The following FDFT1 variants were observed in gnomAD, a reference collection of about 807,000 sequenced individuals.
FDFT1 encodes farnesyl-diphosphate farnesyltransferase 1.
FDFT1 carries 68 observed loss-of-function variants against 46.8 expected under a neutral mutation model. The ratio of observed to expected loss-of-function variants is 1.45; its 90% CI spans 1.19 to 1.78. The LOEUF (loss-of-function observed/expected upper bound fraction) is 1.78, where lower values mean the gene tolerates loss of function less well. Ranked by LOEUF, FDFT1 falls within the 40% of genes most tolerant of loss-of-function variation. FDFT1 has a pLI of 0.00. For synonymous variants in FDFT1, 351 were observed against 185.1 expected, an observed-to-expected ratio of 1.90 and a Z score of -7.28; for missense variants, 928 against 524.4, an observed-to-expected ratio of 1.77 and a Z score of -7.52.
intron 3 of FDFT1, among the ~76,000 whole-genome samples, chr8:11,817,759 C>T (rs1171117759): frequency 6.6e-6 from 1 of 150,586 alleles, no homozygotes; most frequent in African/African-American, 2.4e-5. Context: ...TCTGTCTTTT[C>T]TTCTTGCTAG....
At chr8:11,828,711 C>T (rs1810353953) in intron 5 of FDFT1, among the ~76,000 whole-genome samples, 1 of 152,366 alleles carries the variant, frequency 6.6e-6, no homozygotes, top group Non-Finnish European at 1.5e-5. Context: ...GAACTTCTAG[C>T]ATAGAGTGCT....
chr8:11,813,172 C>G (rs1259975936), intron 3 of FDFT1, among the ~76,000 whole-genome samples: 1 of 152,172 alleles, frequency 6.6e-6, no homozygotes, highest in African/African-American at 2.4e-5. Context: ...TAAGGGCCCA[C>G]CATTGTATTT....
Position 11,826,164 on chromosome 8 carries a change from C to A in FDFT1, c.651C>A (p.Ile217=). ...MGLFLQKTNI[I]RDYLEDQQGG... ...TGTTTTTGCAGAAAACAAACATCAT[C>A]CGTGACTATCTGGAAGACCAGCAAG... is the stretch of plus-strand genomic sequence containing the variant. The change falls in exon 5 of 8, where the codon ATC becomes ATA. Residue 217 remains isoleucine, a synonymous_variant. Transcript: ENST00000220584. The A allele has an allele frequency of 6.3e-7, 1 of 1,597,802 alleles. No individual in the cohort carries two copies. Among genetic ancestry groups the A allele is most frequent in the Non-Finnish European group, 8.6e-7 (1 of 1,167,904 alleles).
chr8:11,832,091 C>T (rs1322704898), intron 7 of FDFT1, among the ~76,000 whole-genome samples: 1 of 152,312 alleles, frequency 6.6e-6, no homozygotes, highest in African/African-American at 2.4e-5. Flanking sequence ...CATTATGCCA[C>T]AGGCCTCAAT....
chr8:11,801,645 AC>A, upstream of FDFT1: 1 of 241,934 alleles, frequency 4.1e-6, no homozygotes, highest in Non-Finnish European at 8.1e-6. Context: ...TAAAAGGATT[AC>A]TGGTTGCTGT....
At chr8:11,835,397 C>T (rs542730015) in intron 7 of FDFT1, among the ~76,000 whole-genome samples, 3 of 152,300 alleles carry the variant, frequency 2.0e-5, no homozygotes, top group African/African-American at 7.2e-5. Context: ...GCAGCTCTTC[C>T]AGTTGTGCTG....
intron 4 of FDFT1, 120 bp from the exon 5 acceptor site, chr8:11,825,899 TTAAAA>T (rs551886747): frequency 1.1e-4 from 58 of 536,692 alleles, no homozygotes; most frequent in Non-Finnish European, 1.3e-4. Context: ...TATTTGTATT[TTAAAA>T]TCAAAATGCA....
chr8:11,821,900 C>T (rs767408978), intron 4 of FDFT1, 22 bp downstream of exon 4: 65 of 1,610,110 alleles, frequency 4.0e-5, no homozygotes, highest in South Asian at 1.3e-4. Context: ...AAAACAGTGT[C>T]TGTGTGTGAT....
chr8:11,800,786 T>C (rs1051676769), upstream of FDFT1, among the ~76,000 whole-genome samples: 2 of 152,234 alleles, frequency 1.3e-5, no homozygotes, highest in African/African-American at 4.8e-5. Flanking sequence ...TATTTATTCC[T>C]AATTAAATGG....
At chr8:11,820,686 G>A (rs1264716408) in intron 3 of FDFT1, among the ~76,000 whole-genome samples, 1 of 152,214 alleles carries the variant, frequency 6.6e-6, no homozygotes, top group African/African-American at 2.4e-5. Context: ...CCAGGCACTG[G>A]AGGCAATCAC....
chr8:11,801,679 C>T (rs1054878918), upstream of FDFT1: 15 of 301,156 alleles, frequency 5.0e-5, no homozygotes, highest in Non-Finnish European at 9.5e-5. Flanking sequence ...TGCAGGATGG[C>T]TTAGGTAGCC....
rs745961881 is a variant in FDFT1, at chr8:11,830,424, G to A, written c.879+4G>A. On this transcript the variant is annotated splice_donor_region_variant and intron_variant, in intron 6 of 7. Coordinates refer to ENST00000220584, the MANE Select transcript of FDFT1 (RefSeq NM_004462.5). Reference sequence around the variant, plus strand: ...TAACTTCTGTGCTATTCCACAGGTAGGGAAGGGGGCTCCTCTGGGTGGATA... The same window carrying A: ...TAACTTCTGTGCTATTCCACAGGTAAGGAAGGGGGCTCCTCTGGGTGGATA... 6.8e-6 allele frequency: 11 copies of A among 1,609,904 alleles called. No homozygotes were observed. In the South Asian group the frequency reaches 1.2e-4, roughly 18 times the overall value.
At chr8:11,799,739 A>C (rs879209165), upstream of FDFT1, among the ~76,000 whole-genome samples, 1 of 151,886 alleles carries the variant, frequency 6.6e-6, no homozygotes, top group Non-Finnish European at 1.5e-5. Flanking sequence ...CGAGGTCAAG[A>C]GATTGAGACC....
chr8:11,831,949 T>C (rs1483291235), intron 7 of FDFT1, among the ~76,000 whole-genome samples: 2 of 152,234 alleles, frequency 1.3e-5, no homozygotes, highest in Non-Finnish European at 2.9e-5. Context: ...TGCAAGATGA[T>C]GCAGGAGGCC....
chr8:11,824,946 A>C (rs966795843), intron 4 of FDFT1, among the ~76,000 whole-genome samples: 2 of 152,044 alleles, frequency 1.3e-5, no homozygotes, highest in Non-Finnish European at 2.9e-5. Context: ...CGTCTTAGCC[A>C]GGATGGTCTT....
At chr8:11,829,742 A>T (rs144756045) in intron 5 of FDFT1, among the ~76,000 whole-genome samples, 1 of 152,302 alleles carries the variant, frequency 6.6e-6, no homozygotes, top group African/African-American at 2.4e-5. Context: ...ACTTACTGGT[A>T]GTCAGAAATA....
At position 11,826,144 on chromosome 8, in the gene FDFT1, T is replaced by C. The variant is rs904011; in HGVS notation, c.631T>C (p.Leu211=). 1,598,833 of 1,605,474 alleles carry C rather than the reference T, an allele frequency of 1. 796,341 individuals carry two copies. The highest frequency in any genetic ancestry group is 1 in the East Asian group (44,736 of 44,736). Residue 211 remains leucine (L), a synonymous_variant, in exon 5 of 8, where the codon TTG becomes CTG. Coordinates refer to ENST00000220584, the MANE Select transcript of FDFT1 (RefSeq NM_004462.5). The part of the protein sequence containing the change: ...TERANSMGLF[L]QKTNIIRDYL... The stretch of plus-strand genomic sequence containing the variant: ...ACGTGCCAACTCTATGGGCCTGTTT[T>C]TGCAGAAAACAAACATCATCCGTGA...
rs75929066 is a variant in FDFT1, at chr8:11,824,482, A to T, written c.511-1542A>T. Among the ~76,000 whole-genome samples, 14 of 152,312 alleles carry T rather than the reference A, an allele frequency of 9.2e-5. No individual in the cohort carries two copies. The East Asian group carries it at 1.5e-3, about 17-fold the overall frequency. ...TCATACTACCTAGTTTTGAACTCTT[A>T]GCCCCTGCCACAGACACGGCAGCCC... On this transcript the variant is annotated intron_variant, in intron 4 of 7. Coordinates refer to ENST00000220584, the MANE Select transcript of FDFT1 (RefSeq NM_004462.5).
chr8:11,799,963 A>AT (rs1251269486), upstream of FDFT1, among the ~76,000 whole-genome samples: 6 of 138,312 alleles, frequency 4.3e-5, no homozygotes, highest in African/African-American at 1.1e-4. Context: ...AAAAAAATGA[A>AT]GAAGAAATAG....
Sources: allele counts gnomAD v4.1 joint callset (sites outside exome capture counted in the v4.1 genomes callset), GRCh38; gene constraint gnomAD v4.1.1; transcripts MANE v1.5; gene names NCBI Gene and HGNC (gene_info 2026-07-23, HGNC 2026-07-21).